The following NPHS1 variants were observed in gnomAD, a reference collection of about 807,000 sequenced individuals.
NPHS1 encodes NPHS1 adhesion molecule, nephrin, also known as nephrin.
A neutral mutation model predicts 139.7 loss-of-function variants in NPHS1; 107 were observed. The observed-to-expected ratio is 0.77, with a 90% CI of 0.66 to 0.90. The LOEUF is 0.90. Among genes scored for constraint, NPHS1 ranks in the 40% least tolerant of loss-of-function variants. NPHS1 has a pLI of 0.00. For missense variants in NPHS1, 1,580 were observed against 1,654.2 expected (o/e 0.96, Z 0.78); for synonymous variants, 707 against 706.6 (o/e 1.00, Z -0.01).
At chr19:35,837,315 T>G (rs1972981150) in intron 22 of NPHS1, among the ~76,000 whole-genome samples, 1 of 152,234 alleles carries the variant, frequency 6.6e-6, no homozygotes. Context: ...ATCCATAATA[T>G]TCCCTAATTA....
intron 23 of NPHS1, among the ~76,000 whole-genome samples, chr19:35,833,015 G>T (rs56353959): frequency 0.32 from 48,144 of 150,022 alleles, 9,487 homozygotes; most frequent in East Asian, 0.66. Flanking sequence ...CTCCCAAGTA[G>T]CTGGGATTAC....
In NPHS1 at chr19:35,826,660, G is replaced by T; in HGVS notation, c.3595-15C>A. 6.2e-7 allele frequency: 1 copy of T among 1,614,046 alleles called. No individual in the cohort carries two copies. The highest frequency in any genetic ancestry group is 1.1e-5 in the South Asian group (1 of 91,076). On this transcript the variant is annotated splice_polypyrimidine_tract_variant and intron_variant, in intron 28 of 28. Transcript: ENST00000378910. ...TCCCAGGGTCCCTGACAGGCAAAAA[G>T]TGGAGTTAGAACCATGGAGAGATGC...
chr19:35,835,043 T>C (rs1291059700), intron 23 of NPHS1, among the ~76,000 whole-genome samples: 2 of 145,660 alleles, frequency 1.4e-5, no homozygotes, highest in African/African-American at 5.1e-5. Context: ...ACTAAAAAAG[T>C]ACAACAATTA....
chr19:35,835,853 C>T, intron 22 of NPHS1, 92 bp from the exon 23 acceptor site: 1 of 1,117,814 alleles, frequency 8.9e-7, no homozygotes, highest in Non-Finnish European at 1.4e-6. Context: ...CTATTAGATT[C>T]ATGGGAACTG....
At position 35,844,472 on chromosome 19, in the gene NPHS1, C is replaced by T. The variant is rs777338078; in HGVS notation, c.1931-13G>A. On this transcript the variant is annotated splice_polypyrimidine_tract_variant and intron_variant, in intron 14 of 28. Transcript: ENST00000378910. ...AACTCTGGACGGTCTTCAGAGGGGG[C>T]GCCGCAGGGAGTCAAGATTGTTGTT... 8 of 1,558,496 alleles carry T rather than the reference C, an allele frequency of 5.1e-6. No individual in the cohort carries two copies. The highest frequency in any genetic ancestry group is 6.1e-6 in the Non-Finnish European group (7 of 1,154,300).
At chr19:35,848,220 T>G (rs537594295) in intron 10 of NPHS1, 33 bp downstream of exon 10, 1 of 1,614,060 alleles carries the variant, frequency 6.2e-7, no homozygotes, top group East Asian at 2.2e-5. Context: ...TCCTGAGGCT[T>G]GGGGGCATTG....
chr19:35,846,098 G>A lies in NPHS1; in HGVS notation c.1537C>T (p.Leu513=). The A allele has an allele frequency of 6.3e-7, 1 of 1,596,734 alleles. No homozygotes were observed. Among genetic ancestry groups the A allele is most frequent in the Non-Finnish European group, 8.5e-7 (1 of 1,172,288 alleles). ...TCCGACGGCCCTGTGACCAGCACCA[G>A]CTCTCGGGAGAAGGTGCTCCCAGAT... ...EKSGSTFSRE[L]VLVTGPSDNQ... The change falls in exon 12 of 29, where the codon CTG becomes TTG. Residue 513 remains leucine, a synonymous_variant. Transcript: ENST00000378910.
intron 28 of NPHS1, among the ~76,000 whole-genome samples, chr19:35,828,834 G>A (rs1426549391): frequency 6.6e-6 from 1 of 152,202 alleles, no homozygotes; most frequent in Non-Finnish European, 1.5e-5. Flanking sequence ...CTCCATCTAC[G>A]CTTTAGAGAG....
chr19:35,845,967 C>G lies in NPHS1; in HGVS notation c.1627+41G>C, dbSNP rs573864565. ...GTCCCTGCCCCACCTGGCTCTGTCC[C>G]TCCCGCCCCGCCCCCGGGCCTCAGC... On this transcript the variant is annotated intron_variant, in intron 12 of 28. Transcript: ENST00000378910. This position sits in a 1 kb window ranked among gnomAD's most constrained non-coding sequence, Gnocchi z 5.5. The G allele has an allele frequency of 8.5e-6, 13 of 1,538,204 alleles. No individual in the cohort carries two copies. The highest frequency in any genetic ancestry group is 1.9e-4 in the Middle Eastern group (1 of 5,254).
In NPHS1 at chr19:35,830,884, G is replaced by C. The variant is rs555255264; in HGVS notation, c.3554C>G (p.Pro1185Arg). The stretch of plus-strand genomic sequence containing the variant: ...GTAGAGGGGTCCCCAGGCTCCAGAC[G>C]GGGGGTACGTTCTTTCTACCTCATC... The part of the protein sequence containing the change: ...LYDEVERTYP[P>R]SGAWGPLYDE... The change falls in exon 28 of 29, where the codon CCG (proline) becomes CGG (arginine). Residue 1185 changes from proline to arginine, a missense_variant. Physicochemically the swap from Pro to Arg is moderately radical, Grantham distance 103. Transcript: ENST00000378910. 6.2e-7 allele frequency: 1 copy of C among 1,612,786 alleles called. No homozygotes were observed. The highest frequency in any genetic ancestry group is 1.1e-5 in the South Asian group (1 of 91,058).
chr19:35,835,370 G>GCTCA (rs532735047), intron 23 of NPHS1, among the ~76,000 whole-genome samples: 4 of 135,406 alleles, frequency 3.0e-5, no homozygotes, highest in Non-Finnish European at 6.1e-5. Flanking sequence ...CTCAGTCATA[G>GCTCA]CTCACTGCAT....
intron 22 of NPHS1, 42 bp downstream of exon 22, chr19:35,839,195 C>G (rs772512241): frequency 6.3e-7 from 1 of 1,591,098 alleles, no homozygotes; most frequent in South Asian, 1.1e-5. Flanking sequence ...CCCTACACAT[C>G]CTCTGAGGAA....
rs770409547 is a variant in NPHS1 at position 35,830,875 on chromosome 19, G to C, written c.3563C>G (p.Ala1188Gly). 1 of 1,612,764 alleles carries C rather than the reference G, an allele frequency of 6.2e-7. No individual in the cohort carries two copies. Among genetic ancestry groups the C allele is most frequent in the South Asian group, 1.1e-5 (1 of 91,048 alleles). Residue 1188 changes from alanine (A) to glycine (G), a missense_variant, in exon 28 of 29, where the codon GCC becomes GGC. Transcript: ENST00000378910. ...EVERTYPPSG[A>G]WGPLYDEVQM... Reference sequence around the variant, plus strand: ...CACTTCATCGTAGAGGGGTCCCCAGGCTCCAGACGGGGGGTACGTTCTTTC... The same window carrying C: ...CACTTCATCGTAGAGGGGTCCCCAGCCTCCAGACGGGGGGTACGTTCTTTC...
intron 23 of NPHS1, among the ~76,000 whole-genome samples, chr19:35,833,703 T>G (rs1391738053): frequency 6.7e-6 from 1 of 150,338 alleles, no homozygotes; most frequent in African/African-American, 2.4e-5. Flanking sequence ...AGACTTTTTC[T>G]TTTTTTTCTT....
Position 35,830,858 on chromosome 19 carries a change from C to A in NPHS1, c.3580G>T (p.Asp1194Tyr). 6.2e-7 allele frequency: 1 copy of A among 1,607,372 alleles called. No homozygotes were observed. The highest frequency in any genetic ancestry group is 1.1e-5 in the South Asian group (1 of 90,968). ...AAGCTTCTCACCATCTGCACTTCAT[C>A]GTAGAGGGGTCCCCAGGCTCCAGAC... is the stretch of plus-strand genomic sequence containing the variant. ...PPSGAWGPLY[D>Y]EVQMGPWDLH... The change falls in exon 28 of 29, where the codon GAT (aspartate) becomes TAT (tyrosine). Residue 1194 changes from aspartate (D) to tyrosine (Y), a missense_variant. Transcript: ENST00000378910.
At chr19:35,847,004 T>C (rs527748413) in intron 11 of NPHS1, among the ~76,000 whole-genome samples, 127 of 152,322 alleles carry the variant, frequency 8.3e-4, no homozygotes, top group African/African-American at 2.9e-3. Flanking sequence ...GAATTTCCGA[T>C]AGTCTGTGGA....
chr19:35,844,356 G>T lies in NPHS1; in HGVS notation c.2034C>A (p.Ala678=). 1 of 1,613,812 alleles carries T rather than the reference G, an allele frequency of 6.2e-7. No homozygotes were observed. Among genetic ancestry groups the T allele is most frequent in the Non-Finnish European group, 8.5e-7 (1 of 1,179,936 alleles). Residue 678 remains alanine (A), a synonymous_variant, in exon 15 of 29, where the codon GCC becomes GCA. Coordinates refer to ENST00000378910, the MANE Select transcript of NPHS1 (RefSeq NM_004646.4). ...VSVSANPAPE[A]FNWTFRGYRL... is the part of the protein sequence containing the mutation. ...GATAGCCGCGGAAGGTCCAGTTGAA[G>T]GCCTCGGGGGCGGGGTTAGCGGACA...
chr19:35,849,417 G>C (rs570953008), intron 6 of NPHS1, 54 bp from the exon 7 acceptor site: 2 of 1,602,312 alleles, frequency 1.2e-6, no homozygotes, highest in East Asian at 4.5e-5. Context: ...ACTCTTTCCA[G>C]GCCCCACAAC....
chr19:35,840,997 T>G (rs550326873), intron 20 of NPHS1, among the ~76,000 whole-genome samples: 2 of 151,930 alleles, frequency 1.3e-5, no homozygotes, highest in East Asian at 3.9e-4. Flanking sequence ...TTCATACTAC[T>G]GTTAGGAAGA....
Sources: gnomAD v4.1 joint callset for allele counts (sites outside exome capture counted in the v4.1 genomes callset) on GRCh38, gnomAD v4.1.1 for gene constraint, Gnocchi (gnomAD v3.1) non-coding constraint, MANE v1.5 for transcripts, NCBI Gene and HGNC (gene_info 2026-07-23, HGNC 2026-07-21) for gene names.